AGPAT4: variants seen among roughly 807,000 people sequenced by gnomAD.
AGPAT4 encodes the protein 1-acylglycerol-3-phosphate O-acyltransferase 4, also known as 1-acyl-sn-glycerol-3-phosphate acyltransferase delta.
A neutral mutation model predicts 48.0 loss-of-function variants in AGPAT4; 15 were observed. The ratio of observed to expected loss-of-function variants is 0.31; its 90% CI spans 0.21 to 0.48. AGPAT4 has a LOEUF of 0.48. Ranked by LOEUF, AGPAT4 falls within the 20% of genes least tolerant of loss-of-function variation. The pLI is 0.99. For missense variants in AGPAT4, 314 were observed against 482.5 expected (o/e 0.65, Z 3.27); for synonymous variants, 178 against 198.7 (o/e 0.90, Z 0.88).
At position 161,148,916 on chromosome 6, in the gene AGPAT4, C is replaced by A. The variant is rs889860722; in HGVS notation, c.767+271G>T. Among the ~76,000 whole-genome samples the A allele has an allele frequency of 5.9e-5, 9 of 152,154 alleles. No homozygotes were observed. The highest frequency in any genetic ancestry group is 1.9e-4 in the African/African-American group (8 of 41,434). ...ATAACATATTCTCTTCACACCAACACCAAAATAATTATAAAATACAGCCTT... is the reference window on the plus strand; with the variant it reads ...ATAACATATTCTCTTCACACCAACAACAAAATAATTATAAAATACAGCCTT... On this transcript the variant is annotated intron_variant, in intron 6 of 8. Transcript: ENST00000320285. The surrounding 1 kb of genome is among the most constrained non-coding windows in gnomAD (Gnocchi z 5.5).
rs1781824878 is a variant in AGPAT4, at chr6:161,221,170, C to A, written c.178+10866G>T. On this transcript the variant is annotated intron_variant, in intron 2 of 8. Transcript: ENST00000320285. The surrounding 1 kb of genome is among the most constrained non-coding windows in gnomAD (Gnocchi z 4.5). Reference sequence around the variant, plus strand: ...TGGTGAAGGAAACGTGTGAGGCTTTCCCTCCGGTCAGCAGAAAATCCACCC... The same window carrying A: ...TGGTGAAGGAAACGTGTGAGGCTTTACCTCCGGTCAGCAGAAAATCCACCC... 6.6e-6 allele frequency among the ~76,000 whole-genome samples: 1 copy of A among 152,144 alleles called. No homozygotes were observed. Among genetic ancestry groups the A allele is most frequent in the Non-Finnish European group, 1.5e-5 (1 of 68,026 alleles).
In AGPAT4 at chr6:161,146,468, A is replaced by C; in HGVS notation, c.843+56T>G. On this transcript the variant is annotated intron_variant, in intron 7 of 8. Transcript: ENST00000320285. This position sits in a 1 kb window ranked among gnomAD's most constrained non-coding sequence, Gnocchi z 7.1. ...AGGCCTGCTACCACACAACACAGCC[A>C]CACGGCGCACCCACAGCTGCAACGT... The C allele has an allele frequency of 1.3e-6, 2 of 1,566,416 alleles. No homozygotes were observed. The highest frequency in any genetic ancestry group is 2.2e-5 in the South Asian group (2 of 89,746).
Position 161,166,094 on chromosome 6 carries a change from A to G in AGPAT4, c.348+154T>C. 1 of 1,022,572 alleles carries G rather than the reference A, an allele frequency of 9.8e-7. No homozygotes were observed. The highest frequency in any genetic ancestry group is 1.4e-6 in the Non-Finnish European group (1 of 699,816). The allele number at this position is 1,022,572 out of a possible 1,614,324, so 63.3% of individuals were successfully genotyped here. On this transcript the variant is annotated intron_variant, in intron 3 of 8. Coordinates refer to ENST00000320285, the MANE Select transcript of AGPAT4 (RefSeq NM_020133.3). This position sits in a 1 kb window ranked among gnomAD's most constrained non-coding sequence, Gnocchi z 6.7. ...TAAGAAGCTGTTAAGACTGACTCCC[A>G]GCAAGAATAAAAAGCAGTTTATTAG...
Position 161,184,734 on chromosome 6 carries a change from C to T in AGPAT4, c.179-18317G>A, listed in dbSNP as rs567151323. On this transcript the variant is annotated intron_variant, in intron 2 of 8. Coordinates refer to ENST00000320285, the MANE Select transcript of AGPAT4 (RefSeq NM_020133.3). This position sits in a 1 kb window ranked among gnomAD's most constrained non-coding sequence, Gnocchi z 4.8. ...CCTGCCAGGTTTCCACCCATCTGGG[C>T]ACTTGGCAAGACTAGAAATCTGACT... is the stretch of plus-strand genomic sequence containing the variant. Among the ~76,000 whole-genome samples the T allele has an allele frequency of 9.1e-4, 138 of 152,270 alleles. No homozygotes were observed. The highest frequency in any genetic ancestry group is 3.2e-3 in the African/African-American group (134 of 41,540).
At position 161,254,487 on chromosome 6, in the gene AGPAT4, G is replaced by A. The variant is rs1038983988; in HGVS notation, c.-90+19451C>T. ...ACATATATACGTTTAGAGGCAACTC[G>A]TTCAGCGAATATTTATAGAGCCTCT... On this transcript the variant is annotated intron_variant, in intron 1 of 8. Transcript: ENST00000320285. The surrounding 1 kb of genome is among the most constrained non-coding windows in gnomAD (Gnocchi z 5.9). Among the ~76,000 whole-genome samples the A allele has an allele frequency of 4.6e-5, 7 of 152,196 alleles. No homozygotes were observed. Among genetic ancestry groups the A allele is most frequent in the Non-Finnish European group, 1.0e-4 (7 of 68,038 alleles).
chr6:161,253,212 CA>C (rs1268782429), intron 1 of AGPAT4, among the ~76,000 whole-genome samples: 2 of 136,490 alleles, frequency 1.5e-5, no homozygotes, highest in Non-Finnish European at 3.2e-5. Context: ...GACTCCAACT[CA>C]AAAAAAAAGA....
intron 1 of AGPAT4, among the ~76,000 whole-genome samples, chr6:161,253,458 G>A (rs942326935): frequency 2.6e-5 from 4 of 151,276 alleles, no homozygotes; most frequent in African/African-American, 9.7e-5. Flanking sequence ...GTTTCACGGT[G>A]TTAGCCAGTA....
At position 161,181,231 on chromosome 6, in the gene AGPAT4, C is replaced by T. The variant is rs116173634; in HGVS notation, c.179-14814G>A. Among the ~76,000 whole-genome samples, 256 of 152,294 alleles carry T rather than the reference C, an allele frequency of 1.7e-3. 2 individuals carry two copies. The highest frequency in any genetic ancestry group is 5.5e-3 in the African/African-American group (228 of 41,564). ...GGGAACAGTATTCAGCAGCCCAATG[C>T]GTCTCTTGTGTCCTGGTACTCAACA... On this transcript the variant is annotated intron_variant, in intron 2 of 8. Transcript: ENST00000320285.
rs1260072436 is a variant in AGPAT4 at position 161,267,234 on chromosome 6, G to C, written c.-90+6704C>G. ...CCCTTTCCCTTCTCCCACCATCTCT[G>C]GCTAAACCATAATAAAAACAACACT... On this transcript the variant is annotated intron_variant, in intron 1 of 8. Coordinates refer to ENST00000320285, the MANE Select transcript of AGPAT4 (RefSeq NM_020133.3). The surrounding 1 kb of genome is among the most constrained non-coding windows in gnomAD (Gnocchi z 5.2). Among the ~76,000 whole-genome samples, 1 of 152,126 alleles carries C rather than the reference G, an allele frequency of 6.6e-6. No homozygotes were observed. The highest frequency in any genetic ancestry group is 2.4e-5 in the African/African-American group (1 of 41,416).
At chr6:161,152,985 G>A (rs144745120) in intron 5 of AGPAT4, among the ~76,000 whole-genome samples, 17 of 152,354 alleles carry the variant, frequency 1.1e-4, no homozygotes, top group Non-Finnish European at 2.4e-4. Flanking sequence ...TTCAGCTGAT[G>A]CCAACAGGTG....
intron 2 of AGPAT4, among the ~76,000 whole-genome samples, chr6:161,187,391 A>T (rs1258199626): frequency 1.3e-5 from 2 of 152,226 alleles, no homozygotes; most frequent in African/African-American, 4.8e-5. Context: ...GGGTCTCAAG[A>T]AATATTGGAA....
intron 2 of AGPAT4, among the ~76,000 whole-genome samples, chr6:161,203,662 T>C (rs543855603): frequency 2.9e-4 from 44 of 152,192 alleles, no homozygotes; most frequent in African/African-American, 1.0e-3. Context: ...CCTCCCAAAG[T>C]GCTGGGATTA....
intron 2 of AGPAT4, among the ~76,000 whole-genome samples, chr6:161,181,786 A>G (rs920167402): frequency 6.6e-6 from 1 of 152,144 alleles, no homozygotes; most frequent in African/African-American, 2.4e-5. Flanking sequence ...GATGGCGCTC[A>G]GGCTAGAAGC....
chr6:161,240,454 T>C lies in AGPAT4; in HGVS notation c.-89-8152A>G, dbSNP rs1782453251. 6.6e-6 allele frequency among the ~76,000 whole-genome samples: 1 copy of C among 152,146 alleles called. No homozygotes were observed. Among genetic ancestry groups the C allele is most frequent in the Non-Finnish European group, 1.5e-5 (1 of 68,022 alleles). On this transcript the variant is annotated intron_variant, in intron 1 of 8. Coordinates refer to ENST00000320285, the MANE Select transcript of AGPAT4 (RefSeq NM_020133.3). The surrounding 1 kb of genome is among the most constrained non-coding windows in gnomAD (Gnocchi z 5.5). ...CTCTTCCTGAACAGTGATTAAGCGA[T>C]CCAGCTCTGCCACTCTTCCCCAACT...
In AGPAT4 at chr6:161,219,018, G is replaced by C. The variant is rs1781730765; in HGVS notation, c.178+13018C>G. ...GAGAACCAGAATAGGACCAGAGAAGGGAGTTCTCAAAATGTTTGACAATGC... is the reference window on the plus strand; with the variant it reads ...GAGAACCAGAATAGGACCAGAGAAGCGAGTTCTCAAAATGTTTGACAATGC... On this transcript the variant is annotated intron_variant, in intron 2 of 8. Transcript: ENST00000320285. This position sits in a 1 kb window ranked among gnomAD's most constrained non-coding sequence, Gnocchi z 4.9. Among the ~76,000 whole-genome samples the C allele has an allele frequency of 6.6e-6, 1 of 152,202 alleles. No homozygotes were observed. Among genetic ancestry groups the C allele is most frequent in the Non-Finnish European group, 1.5e-5 (1 of 68,024 alleles).
intron 5 of AGPAT4, among the ~76,000 whole-genome samples, chr6:161,152,441 C>T (rs1210289836): frequency 2.6e-5 from 4 of 152,130 alleles, no homozygotes; most frequent in Non-Finnish European, 4.4e-5. Context: ...CTTCAACCAC[C>T]GCTAAAGCCG....
chr6:161,157,495 T>C (rs146296494), intron 3 of AGPAT4, among the ~76,000 whole-genome samples: 11 of 152,340 alleles, frequency 7.2e-5, no homozygotes, highest in Non-Finnish European at 1.2e-4. Context: ...GTATTTTTTG[T>C]AGACACAGGG....
intron 7 of AGPAT4, among the ~76,000 whole-genome samples, chr6:161,145,025 T>G (rs1250065409): frequency 6.6e-6 from 1 of 151,498 alleles, no homozygotes; most frequent in African/African-American, 2.4e-5. Context: ...GCTGCCTCAA[T>G]GCTTAGACCA....
rs1781087409 is a variant in AGPAT4 at position 161,196,971 on chromosome 6, G to C, written c.179-30554C>G. ...GCTCCAGGCACTGGGGAAGTCAGCT[G>C]TGAACAAGAGGCAAAGTCTGTGTCC... On this transcript the variant is annotated intron_variant, in intron 2 of 8. Coordinates refer to ENST00000320285, the MANE Select transcript of AGPAT4 (RefSeq NM_020133.3). The surrounding 1 kb of genome is among the most constrained non-coding windows in gnomAD (Gnocchi z 4.3). 6.6e-6 allele frequency among the ~76,000 whole-genome samples: 1 copy of C among 152,156 alleles called. No homozygotes were observed. Among genetic ancestry groups the C allele is most frequent in the African/African-American group, 2.4e-5 (1 of 41,440 alleles).
Sources: allele counts gnomAD v4.1 joint callset (sites outside exome capture counted in the v4.1 genomes callset), GRCh38; gene constraint gnomAD v4.1.1; non-coding constraint Gnocchi (gnomAD v3.1); transcripts MANE v1.5; gene names NCBI Gene and HGNC (gene_info 2026-07-23, HGNC 2026-07-21).